The following LRMDA variants were observed in gnomAD, a reference collection of about 807,000 sequenced individuals.
LRMDA encodes the protein leucine rich melanocyte differentiation associated, also known as leucine-rich melanocyte differentiation-associated protein.
LRMDA carries 18 observed loss-of-function variants against 29.8 expected under a neutral mutation model. The observed-to-expected ratio is 0.60, with a 90% CI of 0.42 to 0.90. The LOEUF is 0.90. Among genes scored for constraint, LRMDA ranks in the 40% least tolerant of loss-of-function variants. LRMDA has a pLI of 0.00. For synonymous variants in LRMDA, 125 were observed against 109.4 expected (o/e 1.14, Z -0.89); for missense variants, 273 against 273.9 (o/e 1.00, Z 0.02).
intron 3 of LRMDA, among the ~76,000 whole-genome samples, chr10:76,038,255 G>T (rs41314986): frequency 1.3e-5 from 2 of 152,216 alleles, no homozygotes; most frequent in Non-Finnish European, 2.9e-5. Context: ...TGGACTGGTC[G>T]ATGGTTTTAT....
chr10:75,584,997 A>G (rs1840640003), intron 2 of LRMDA, among the ~76,000 whole-genome samples: 2 of 152,238 alleles, frequency 1.3e-5, no homozygotes, highest in Non-Finnish European at 2.9e-5. Context: ...CATAGAACAT[A>G]CATCCAAAAA....
chr10:75,987,970 A>G (rs572647501), intron 2 of LRMDA, among the ~76,000 whole-genome samples: 1 of 152,222 alleles, frequency 6.6e-6, no homozygotes. Context: ...TGGCATTAGC[A>G]TCTGTGAGGA....
intron 5 of LRMDA, among the ~76,000 whole-genome samples, chr10:76,200,171 C>T (rs2132231460): frequency 6.6e-6 from 1 of 152,066 alleles, no homozygotes; most frequent in African/African-American, 2.4e-5. Flanking sequence ...ATGATGTTTC[C>T]CAGGCTGGTC....
At chr10:76,491,983 A>T (rs1022182252) in intron 6 of LRMDA, among the ~76,000 whole-genome samples, 1 of 152,014 alleles carries the variant, frequency 6.6e-6, no homozygotes, top group East Asian at 1.9e-4. Context: ...GGAGACTCTG[A>T]TGCATTCTTC....
At chr10:76,221,768 C>T (rs1589382056) in intron 5 of LRMDA, among the ~76,000 whole-genome samples, 1 of 152,140 alleles carries the variant, frequency 6.6e-6, no homozygotes, top group South Asian at 2.1e-4. Context: ...GAAAAAACTA[C>T]TTTAAAGCTC....
At chr10:76,423,371 G>A (rs1842089999) in intron 6 of LRMDA, among the ~76,000 whole-genome samples, 1 of 152,166 alleles carries the variant, frequency 6.6e-6, no homozygotes, top group Admixed American at 6.5e-5. Context: ...TCCAGCCTAG[G>A]CAACAGAGTG....
chr10:76,072,408 A>G (rs1368846953), intron 5 of LRMDA, among the ~76,000 whole-genome samples: 3 of 152,312 alleles, frequency 2.0e-5, no homozygotes, highest in Non-Finnish European at 2.9e-5. Flanking sequence ...GATAAGAAAC[A>G]TCTGACACCA....
intron 5 of LRMDA, among the ~76,000 whole-genome samples, chr10:76,159,330 A>T (rs1047655604): frequency 2.2e-4 from 33 of 152,312 alleles, no homozygotes; most frequent in Admixed American, 1.9e-3. Context: ...TAAAATAATG[A>T]GATACCACTG....
chr10:76,440,566 T>C (rs1189934975), intron 6 of LRMDA, among the ~76,000 whole-genome samples: 2 of 152,048 alleles, frequency 1.3e-5, no homozygotes, highest in African/African-American at 4.8e-5. Flanking sequence ...CTCGTTTGTA[T>C]AATGGGAGGG....
At chr10:76,052,264 A>T (rs1848542052) in intron 4 of LRMDA, among the ~76,000 whole-genome samples, 1 of 152,228 alleles carries the variant, frequency 6.6e-6, no homozygotes, top group African/African-American at 2.4e-5. Flanking sequence ...TAAAAACGAA[A>T]CAAAACTCTA....
Position 76,476,251 on chromosome 10 carries a change from A to G in LRMDA, c.602-80958A>G, listed in dbSNP as rs565979641. Among the ~76,000 whole-genome samples the G allele has an allele frequency of 6.6e-5, 10 of 152,322 alleles. No homozygotes were observed. The South Asian group carries it at 1.9e-3, about 28-fold the overall frequency. Reference sequence around the variant, plus strand: ...CGATCCCACAGAAATACAAACTACTATCAGAGAATACTATAAACACCTCTA... The same window carrying G: ...CGATCCCACAGAAATACAAACTACTGTCAGAGAATACTATAAACACCTCTA... On this transcript the variant is annotated intron_variant, in intron 6 of 6. Coordinates refer to ENST00000611255, the MANE Select transcript of LRMDA (RefSeq NM_001305581.2).
chr10:75,781,277 G>T (rs756068541), intron 2 of LRMDA, among the ~76,000 whole-genome samples: 3 of 152,088 alleles, frequency 2.0e-5, no homozygotes, highest in Non-Finnish European at 1.5e-5. Flanking sequence ...CCAGTGCCTG[G>T]CTCATAATAA....
At chr10:75,570,120 A>G (rs1185586245) in intron 2 of LRMDA, among the ~76,000 whole-genome samples, 1 of 152,236 alleles carries the variant, frequency 6.6e-6, no homozygotes, top group Admixed American at 6.5e-5. Flanking sequence ...AAAGCCAGGC[A>G]TTAGTCCCAA....
intron 5 of LRMDA, among the ~76,000 whole-genome samples, chr10:76,290,963 T>C (rs1245241406): frequency 6.6e-6 from 1 of 152,210 alleles, no homozygotes; most frequent in African/African-American, 2.4e-5. Context: ...ATTAAAATCT[T>C]TCAATTTATA....
chr10:76,519,317 CT>C (rs1415311402), intron 6 of LRMDA, among the ~76,000 whole-genome samples: 1 of 152,076 alleles, frequency 6.6e-6, no homozygotes, highest in Non-Finnish European at 1.5e-5. Context: ...TAATGAAAAT[CT>C]GTCAAGGAAC....
chr10:76,127,478 C>G (rs1849904131), intron 5 of LRMDA, among the ~76,000 whole-genome samples: 1 of 152,144 alleles, frequency 6.6e-6, no homozygotes, highest in Admixed American at 6.5e-5. Context: ...TCAGCTGAGC[C>G]TGTTCCCAAA....
At chr10:76,237,099 G>T (rs975412657) in intron 5 of LRMDA, among the ~76,000 whole-genome samples, 2 of 152,152 alleles carry the variant, frequency 1.3e-5, no homozygotes, top group Non-Finnish European at 2.9e-5. Flanking sequence ...CCAGAGGATT[G>T]CTTGAGTCTT....
chr10:76,279,535 G>C (rs980975541), intron 5 of LRMDA, among the ~76,000 whole-genome samples: 4 of 142,440 alleles, frequency 2.8e-5, no homozygotes, highest in African/African-American at 8.0e-5. Flanking sequence ...AATAACAAAT[G>C]CTTCTTTTTT....
At chr10:76,095,424 T>G (rs1283383060) in intron 5 of LRMDA, among the ~76,000 whole-genome samples, 1 of 152,244 alleles carries the variant, frequency 6.6e-6, no homozygotes. Context: ...TGAATAAAGC[T>G]GCTATTAACA....
Sources: gnomAD v4.1 joint callset for allele counts (sites outside exome capture counted in the v4.1 genomes callset) on GRCh38, gnomAD v4.1.1 for gene constraint, MANE v1.5 for transcripts, NCBI Gene and HGNC (gene_info 2026-07-23, HGNC 2026-07-21) for gene names.